The following MYO5A variants were observed in gnomAD, a reference collection of about 807,000 sequenced individuals.
MYO5A encodes unconventional myosin-Va.
Under a neutral mutation model 249.7 loss-of-function variants are expected in MYO5A, and 98 were observed. The ratio of observed to expected loss-of-function variants is 0.39; its 90% CI spans 0.33 to 0.46. MYO5A has a LOEUF of 0.46. Ranked by LOEUF, MYO5A falls within the 20% of genes least tolerant of loss-of-function variation. The pLI is 0.98. For synonymous variants in MYO5A, 778 were observed against 810.6 expected (o/e 0.96, Z 0.68); for missense variants, 1,696 against 2,308.8 (o/e 0.73, Z 5.44).
intron 1 of MYO5A, among the ~76,000 whole-genome samples, chr15:52,499,104 C>G (rs1332408885): frequency 2.0e-5 from 3 of 152,200 alleles, no homozygotes; most frequent in Non-Finnish European, 4.4e-5. Flanking sequence ...CCCAAAGTAT[C>G]TCCTTTTTTC....
rs756589601 is a variant in MYO5A, at chr15:52,379,709, G to A, written c.2124C>T (p.Ser708=). Residue 708 remains serine (S), a synonymous_variant, in exon 18 of 42, where the codon AGC becomes AGT. Transcript: ENST00000399233. Reference sequence around the variant, plus strand: ...TCTGCTTCATTAGGACACGGTAGCGGCTGAAAAATTCTTGGTAAGTCCACC... The same window carrying A: ...TCTGCTTCATTAGGACACGGTAGCGACTGAAAAATTCTTGGTAAGTCCACC... ...PSRWTYQEFF[S]RYRVLMKQKD... 3.7e-6 allele frequency: 6 copies of A among 1,614,026 alleles called. No individual in the cohort carries two copies. In the South Asian group the frequency reaches 5.5e-5, roughly 15 times the overall value.
Position 52,528,849 on chromosome 15 carries a change from G to C in MYO5A, c.-43C>G. On this transcript the variant is annotated 5_prime_UTR_variant, in exon 1 of 42. Transcript: ENST00000399233. ...TACGCCCCCCGCCTGTGCGGAGGCC[G>C]CACCTCGCCTGGGCGGCCGCCCGAG... The C allele has an allele frequency of 6.9e-7, 1 of 1,447,408 alleles. No homozygotes were observed. The highest frequency in any genetic ancestry group is 9.1e-7 in the Non-Finnish European group (1 of 1,103,580). 89.7% of individuals were successfully genotyped at this position (1,447,408 alleles called of 1,614,324 possible).
chr15:52,432,574 T>TGGAAATCA (rs1340274376), intron 2 of MYO5A, among the ~76,000 whole-genome samples: 1 of 152,252 alleles, frequency 6.6e-6, no homozygotes, highest in Non-Finnish European at 1.5e-5. Context: ...AGTTTGGCTT[T>TGGAAATCA]CTTATTTGGA....
chr15:52,407,496 G>T, intron 7 of MYO5A, 97 bp from the exon 8 acceptor site: 1 of 786,804 alleles, frequency 1.3e-6, no homozygotes, highest in Non-Finnish European at 2.2e-6. Flanking sequence ...TAGCACAGTT[G>T]AGTGTACAGC....
At chr15:52,509,270 C>A (rs547163444) in intron 1 of MYO5A, among the ~76,000 whole-genome samples, 1 of 152,260 alleles carries the variant, frequency 6.6e-6, no homozygotes, top group East Asian at 1.9e-4. Flanking sequence ...TAGCACCTGG[C>A]CAGATTAAAC....
At chr15:52,526,259 A>C (rs2077727861) in intron 1 of MYO5A, among the ~76,000 whole-genome samples, 1 of 152,198 alleles carries the variant, frequency 6.6e-6, no homozygotes, top group Admixed American at 6.5e-5. Context: ...GGCTCACTGC[A>C]GCCTCAACCT....
chr15:52,521,435 T>G (rs2077617805), intron 1 of MYO5A, among the ~76,000 whole-genome samples: 1 of 152,174 alleles, frequency 6.6e-6, no homozygotes, highest in Admixed American at 6.5e-5. Flanking sequence ...GGACTATATG[T>G]TTTTGTATAT....
chr15:52,487,713 G>A (rs1229404257), intron 1 of MYO5A, among the ~76,000 whole-genome samples: 2 of 141,782 alleles, frequency 1.4e-5, no homozygotes, highest in African/African-American at 2.6e-5. Flanking sequence ...GACAGAACGA[G>A]ACTCTGTCTC....
At chr15:52,373,657 G>A (rs1596363354) in intron 20 of MYO5A, among the ~76,000 whole-genome samples, 1 of 152,152 alleles carries the variant, frequency 6.6e-6, no homozygotes, top group South Asian at 2.1e-4. Context: ...CACAGTGGGA[G>A]CCTGAGCTGG....
chr15:52,360,099 C>A lies in MYO5A; in HGVS notation c.3310-18G>T. 1.3e-6 allele frequency: 2 copies of A among 1,531,072 alleles called. No individual in the cohort carries two copies. The highest frequency in any genetic ancestry group is 1.1e-5 in the South Asian group (1 of 88,610). 94.8% of individuals were successfully genotyped at this position (1,531,072 alleles called of 1,614,324 possible). ...GGCACATGCTGCAAGGCAAATAACC[C>A]AGGTATAATTAATGCAACATAATTA... On this transcript the variant is annotated intron_variant, in intron 24 of 41. Transcript: ENST00000399233.
At chr15:52,426,533 G>C (rs527717010) in intron 3 of MYO5A, among the ~76,000 whole-genome samples, 11 of 152,224 alleles carry the variant, frequency 7.2e-5, no homozygotes, top group African/African-American at 2.6e-4. Flanking sequence ...TACTATCTTG[G>C]CTCACTACAG....
chr15:52,341,110 G>A (rs138537578), intron 31 of MYO5A, among the ~76,000 whole-genome samples: 7 of 152,190 alleles, frequency 4.6e-5, no homozygotes, highest in African/African-American at 1.7e-4. Context: ...CACTATAAAG[G>A]CCAACATTAT....
intron 12 of MYO5A, among the ~76,000 whole-genome samples, chr15:52,390,628 C>T (rs572376697): frequency 6.8e-6 from 1 of 147,702 alleles, no homozygotes; most frequent in Non-Finnish European, 1.5e-5. Context: ...GGCACAATCT[C>T]GGCTCACTGC....
chr15:52,343,331 A>T, intron 30 of MYO5A, 134 bp from the exon 31 acceptor site: 1 of 749,540 alleles, frequency 1.3e-6, no homozygotes, highest in Non-Finnish European at 2.3e-6. Flanking sequence ...CAACTTTAAG[A>T]CATTACCACA....
intron 1 of MYO5A, among the ~76,000 whole-genome samples, chr15:52,477,999 T>A (rs2076633432): frequency 6.6e-6 from 1 of 152,236 alleles, no homozygotes; most frequent in Non-Finnish European, 1.5e-5. Context: ...AGCTATGCCC[T>A]GCCCCCAGAG....
intron 1 of MYO5A, among the ~76,000 whole-genome samples, chr15:52,454,537 T>G (rs1336658402): frequency 6.6e-6 from 1 of 152,092 alleles, no homozygotes; most frequent in African/African-American, 2.4e-5. Flanking sequence ...TTTCACCCAT[T>G]TGCAGAAGAG....
intron 3 of MYO5A, among the ~76,000 whole-genome samples, chr15:52,428,053 C>A (rs1567116367): frequency 6.6e-6 from 1 of 152,170 alleles, no homozygotes; most frequent in Non-Finnish European, 1.5e-5. Flanking sequence ...CTTGAACCTG[C>A]TCCAAAGATA....
chr15:52,483,348 GC>G (rs1793820347), intron 1 of MYO5A, among the ~76,000 whole-genome samples: 2 of 152,112 alleles, frequency 1.3e-5, no homozygotes, highest in Non-Finnish European at 2.9e-5. Flanking sequence ...CTTAGCAGGG[GC>G]CCCAGGTCAA....
intron 1 of MYO5A, among the ~76,000 whole-genome samples, chr15:52,450,873 G>T: frequency 1.1e-5 from 1 of 90,610 alleles, no homozygotes; most frequent in Non-Finnish European, 1.9e-5. Flanking sequence ...TTTGTGACAG[G>T]GTCTCACTCT....
Sources: allele counts gnomAD v4.1 joint callset (sites outside exome capture counted in the v4.1 genomes callset), GRCh38; gene constraint gnomAD v4.1.1; transcripts MANE v1.5; gene names NCBI Gene and HGNC (gene_info 2026-07-23, HGNC 2026-07-21).